Variants in CC2D2B observed in about 807,000 individuals in gnomAD.
CC2D2B encodes the protein coiled-coil and C2 domain containing 2B.
CC2D2B carries 128 observed loss-of-function variants against 161.2 expected under a neutral mutation model. The observed-to-expected ratio is 0.79, with a 90% CI of 0.69 to 0.92. CC2D2B has a LOEUF of 0.92. Ranked by LOEUF, CC2D2B falls within the 40% of genes least tolerant of loss-of-function variation. The probability of loss-of-function intolerance (pLI) is 0.00; values close to 1 mark genes in which losing one functional copy is unlikely to be tolerated. For missense variants in CC2D2B, 1,173 were observed against 1,375.1 expected (o/e 0.85, Z 2.32); for synonymous variants, 391 against 449.8 (o/e 0.87, Z 1.65).
At chr10:96,012,007 G>A (rs1372685317) in intron 26 of CC2D2B, among the ~76,000 whole-genome samples, 178 bp from the exon 27 acceptor site, 2 of 152,072 alleles carry the variant, frequency 1.3e-5, no homozygotes, top group African/African-American at 2.4e-5. Flanking sequence ...TGTCAAGGGT[G>A]CCTATGAACA....
At chr10:95,994,237 A>G (rs562240426) in intron 22 of CC2D2B, among the ~76,000 whole-genome samples, 38 of 151,766 alleles carry the variant, frequency 2.5e-4, no homozygotes, top group Non-Finnish European at 4.6e-4. Context: ...TTATAAGGTC[A>G]AGCAAGTCAC....
At chr10:95,954,772 C>T (rs1056164429) in intron 10 of CC2D2B, among the ~76,000 whole-genome samples, 1 of 151,988 alleles carries the variant, frequency 6.6e-6, no homozygotes, top group African/African-American at 2.4e-5. Context: ...GTATGTCTTC[C>T]AGTGAAAGTT....
Position 95,995,996 on chromosome 10 carries a change from T to A in CC2D2B, c.2740-147T>A, listed in dbSNP as rs374142654. 1.6e-4 allele frequency: 65 copies of A among 406,880 alleles called. 1 individual carries two copies. The South Asian group carries it at 4.8e-3, about 30-fold the overall frequency. 25.2% of individuals were successfully genotyped at this position (406,880 alleles called of 1,614,324 possible). ...CCTGATATAGAATAGACCCAGTAGA[T>A]GTTTATTCAATAAATAAATAAATAA... On this transcript the variant is annotated intron_variant, in intron 23 of 34. Transcript: ENST00000646931.
At chr10:95,947,729 C>T in intron 9 of CC2D2B, among the ~76,000 whole-genome samples, 1 of 151,184 alleles carries the variant, frequency 6.6e-6, no homozygotes, top group Non-Finnish European at 1.5e-5. Context: ...AGCCTGGTGA[C>T]ACAGTGAGAC....
At chr10:96,007,941 C>T (rs1253625272) in intron 25 of CC2D2B, among the ~76,000 whole-genome samples, 2 of 151,964 alleles carry the variant, frequency 1.3e-5, no homozygotes, top group African/African-American at 2.4e-5. Context: ...GATTAGCATG[C>T]AATAATCTGC....
chr10:95,941,275 G>A (rs541465470), intron 9 of CC2D2B, among the ~76,000 whole-genome samples: 4 of 152,180 alleles, frequency 2.6e-5, no homozygotes, highest in African/African-American at 7.2e-5. Flanking sequence ...TTATAACATC[G>A]TTCTTGGCAG....
intron 30 of CC2D2B, among the ~76,000 whole-genome samples, chr10:96,018,286 A>G (rs1171432306): frequency 6.6e-6 from 1 of 152,238 alleles, no homozygotes; most frequent in East Asian, 1.9e-4. Context: ...AGAGCAAAAT[A>G]ATAACAACAT....
chr10:95,968,753 A>G lies in CC2D2B; in HGVS notation c.1496A>G (p.Gln499Arg). The G allele has an allele frequency of 8.2e-7, 1 of 1,214,026 alleles. No homozygotes were observed. The highest frequency in any genetic ancestry group is 1.0e-6 in the Non-Finnish European group (1 of 971,684). The allele number at this position is 1,214,026 out of a possible 1,614,324, so 75.2% of individuals were successfully genotyped here. The change falls in exon 15 of 35, where the codon CAG (glutamine) becomes CGG (arginine). Residue 499 changes from glutamine (Q) to arginine (R), a missense_variant. By Grantham distance (43) the Gln-to-Arg change is conservative. Around this residue, in one of 3 missense-constraint regions of CC2D2B, gnomAD observed 277 missense variants for 420.6 expected, o/e 0.66. Coordinates refer to ENST00000646931, the MANE Select transcript of CC2D2B (RefSeq NM_001349008.3). ...LHEQKRRAKI[Q>R]KLKYFIKIFY... ...GAACAAAAAAGAAGAGCCAAAATTC[A>G]GAAGCTCAAATACTTTATTAAAATA...
chr10:96,010,321 G>A (rs2078931871), intron 26 of CC2D2B, among the ~76,000 whole-genome samples: 2 of 152,140 alleles, frequency 1.3e-5, no homozygotes, highest in Admixed American at 6.6e-5. Flanking sequence ...GAGACCCTCA[G>A]AGGGCTCTGC....
At chr10:95,910,162 A>G (rs759534923) in intron 1 of CC2D2B, among the ~76,000 whole-genome samples, 4 of 152,204 alleles carry the variant, frequency 2.6e-5, no homozygotes, top group Non-Finnish European at 5.9e-5. Flanking sequence ...TCTCTAAAAA[A>G]CAAACAGATA....
chr10:95,986,796 C>T (rs2077747671), intron 19 of CC2D2B, among the ~76,000 whole-genome samples: 1 of 151,910 alleles, frequency 6.6e-6, no homozygotes, highest in African/African-American at 2.4e-5. Flanking sequence ...AGGGTTTTGT[C>T]ATGTTGCCCA....
intron 6 of CC2D2B, among the ~76,000 whole-genome samples, chr10:95,930,754 A>G (rs2098548593): frequency 6.6e-6 from 1 of 152,160 alleles, no homozygotes; most frequent in African/African-American, 2.4e-5. Flanking sequence ...CGTGGTGGAT[A>G]AGCTTTTTGA....
rs367877429 is a variant in CC2D2B, at chr10:95,912,170, G to T, written c.36+811G>T. Among the ~76,000 whole-genome samples the T allele has an allele frequency of 2.4e-4, 37 of 152,140 alleles. No individual in the cohort carries two copies. In the South Asian group the frequency reaches 3.1e-3, roughly 13 times the overall value. On this transcript the variant is annotated intron_variant, in intron 2 of 34. Coordinates refer to ENST00000646931, the MANE Select transcript of CC2D2B (RefSeq NM_001349008.3). ...GAGATTTCCAACTGCACATTAGTTT[G>T]GTTAGCATGTACAGTTGTTATTTCA...
intron 33 of CC2D2B, among the ~76,000 whole-genome samples, chr10:96,025,616 A>T (rs2079737989): frequency 6.6e-6 from 1 of 152,182 alleles, no homozygotes; most frequent in Non-Finnish European, 1.5e-5. Context: ...TCTGGTAAAA[A>T]TGTCCCAGTT....
rs1250221519 is a variant in CC2D2B, at chr10:96,016,350, A to C, written c.3630+36A>C. The C allele has an allele frequency of 6.6e-6, 9 of 1,359,674 alleles. No homozygotes were observed. The Admixed American group carries it at 1.2e-4, about 18-fold the overall frequency. 84.2% of individuals were successfully genotyped at this position (1,359,674 alleles called of 1,614,324 possible). ...GAGTTCATATTGAAATAATGTAAGCAAAAGGAAATCAGATTTCAGCTGCAA... is the reference window on the plus strand; with the variant it reads ...GAGTTCATATTGAAATAATGTAAGCCAAAGGAAATCAGATTTCAGCTGCAA... On this transcript the variant is annotated intron_variant, in intron 30 of 34. Coordinates refer to ENST00000646931, the MANE Select transcript of CC2D2B (RefSeq NM_001349008.3).
intron 25 of CC2D2B, among the ~76,000 whole-genome samples, chr10:96,008,137 T>G (rs1486914681): frequency 6.6e-6 from 1 of 151,170 alleles, no homozygotes; most frequent in African/African-American, 2.4e-5. Context: ...TTCTAGAATT[T>G]TATCGAAAAT....
At chr10:96,031,137 A>G (rs976094136) in intron 34 of CC2D2B, among the ~76,000 whole-genome samples, 1 of 152,176 alleles carries the variant, frequency 6.6e-6, no homozygotes, top group Admixed American at 6.5e-5. Context: ...GAGTTATAGT[A>G]GTACACAGGA....
chr10:95,935,561 T>C (rs1272272328), intron 6 of CC2D2B, among the ~76,000 whole-genome samples: 1 of 151,924 alleles, frequency 6.6e-6, no homozygotes, highest in Admixed American at 6.6e-5. Flanking sequence ...AGGGGGGACC[T>C]GGTCCCCTTA....
chr10:96,031,277 GC>G (rs2080056236), intron 34 of CC2D2B, among the ~76,000 whole-genome samples: 1 of 152,208 alleles, frequency 6.6e-6, no homozygotes, highest in African/African-American at 2.4e-5. Context: ...CATGGGAAGA[GC>G]GTGTGAACAG....
Sources: gnomAD v4.1 joint callset for allele counts (sites outside exome capture counted in the v4.1 genomes callset) on GRCh38, gnomAD v4.1.1 for gene constraint, gnomAD v4.1.1 regional missense constraint, MANE v1.5 for transcripts, NCBI Gene and HGNC (gene_info 2026-07-23, HGNC 2026-07-21) for gene names.